Variants in GABBR2 observed in about 807,000 individuals in gnomAD.
GABBR2 encodes G-protein coupled receptor 51.
Under a neutral mutation model 105.6 loss-of-function variants are expected in GABBR2, and 23 were observed. The ratio of observed to expected loss-of-function variants is 0.22; its 90% CI spans 0.16 to 0.31. The LOEUF is 0.31. GABBR2 is among the 10% of genes least tolerant of loss of function. GABBR2 has a pLI of 1.00. For missense variants in GABBR2, 734 were observed against 1,245.5 expected (o/e 0.59, Z 6.18); for synonymous variants, 478 against 499.7 (o/e 0.96, Z 0.58).
At position 98,305,803 on chromosome 9, in the gene GABBR2, T is replaced by G. The variant is rs1432525820; in HGVS notation, c.2229+318A>C. ...CTGCACTCCAGCCTGGGTGGCAGAG[T>G]GAGGGAAAAAAAAAAAAGGCATCAT... On this transcript the variant is annotated intron_variant, in intron 15 of 18. Coordinates refer to ENST00000259455, the MANE Select transcript of GABBR2 (RefSeq NM_005458.8). 2.7e-4 allele frequency among the ~76,000 whole-genome samples: 35 copies of G among 128,792 alleles called. 1 individual carries two copies. Among genetic ancestry groups the G allele is most frequent in the East Asian group, 4.3e-4 (2 of 4,648 alleles). The allele number at this position is 128,792 out of a possible 152,430, so 84.5% of individuals were successfully genotyped here.
chr9:98,383,332 GCA>G (rs150600496), intron 11 of GABBR2, among the ~76,000 whole-genome samples: 1,974 of 152,310 alleles, frequency 0.013, 14 homozygotes, highest in Admixed American at 0.02. Context: ...CTGACTGCAG[GCA>G]CAGTGAAGCC....
chr9:98,653,883 C>T (rs1198440232), intron 1 of GABBR2, among the ~76,000 whole-genome samples: 1 of 152,154 alleles, frequency 6.6e-6, no homozygotes, highest in Admixed American at 6.6e-5. Flanking sequence ...CAGGTACTGC[C>T]TGAGCATTTT....
chr9:98,375,690 G>A (rs1831859531), intron 11 of GABBR2, among the ~76,000 whole-genome samples: 2 of 152,142 alleles, frequency 1.3e-5, no homozygotes, highest in African/African-American at 4.8e-5. Flanking sequence ...CATGCTGTCT[G>A]ACAGGTAGTG....
At chr9:98,367,002 T>C (rs1831688457) in intron 12 of GABBR2, among the ~76,000 whole-genome samples, 1 of 152,188 alleles carries the variant, frequency 6.6e-6, no homozygotes. Flanking sequence ...TTAAAAAGAT[T>C]TTACAATTGG....
intron 13 of GABBR2, among the ~76,000 whole-genome samples, chr9:98,355,435 A>G (rs1167535438): frequency 2.6e-5 from 4 of 152,238 alleles, no homozygotes; most frequent in Non-Finnish European, 5.9e-5. Context: ...ACCAGAAATG[A>G]GCAATTGAAA....
At chr9:98,364,467 C>T (rs1564032406) in intron 12 of GABBR2, among the ~76,000 whole-genome samples, 1 of 152,220 alleles carries the variant, frequency 6.6e-6, no homozygotes, top group East Asian at 1.9e-4. Context: ...GCTTCTCCTC[C>T]TCCATGAATC....
rs1056710289 is a variant in GABBR2 at position 98,360,094 on chromosome 9, G to T, written c.1893+2621C>A. ...GTGCTCAGAGTCCGGAGCACACAGGGTGTCTGAAGTAGGTAAGTGGGAGGG... is the reference window on the plus strand; with the variant it reads ...GTGCTCAGAGTCCGGAGCACACAGGTTGTCTGAAGTAGGTAAGTGGGAGGG... On this transcript the variant is annotated intron_variant, in intron 13 of 18. Coordinates refer to ENST00000259455, the MANE Select transcript of GABBR2 (RefSeq NM_005458.8). Among the ~76,000 whole-genome samples, 6 of 152,154 alleles carry T rather than the reference G, an allele frequency of 3.9e-5. No individual in the cohort carries two copies. The South Asian group carries it at 1.2e-3, about 32-fold the overall frequency.
intron 1 of GABBR2, among the ~76,000 whole-genome samples, chr9:98,675,937 T>C (rs1300963550): frequency 6.6e-6 from 1 of 152,172 alleles, no homozygotes; most frequent in East Asian, 1.9e-4. Flanking sequence ...CTTCTTTTAG[T>C]AATAAAACCT....
At chr9:98,443,034 G>A (rs1182211562) in intron 7 of GABBR2, among the ~76,000 whole-genome samples, 1 of 152,196 alleles carries the variant, frequency 6.6e-6, no homozygotes, top group Non-Finnish European at 1.5e-5. Flanking sequence ...GGATTTTTTA[G>A]GGGGGCACAA....
chr9:98,401,579 C>T (rs1246207653), intron 8 of GABBR2, among the ~76,000 whole-genome samples: 1 of 152,140 alleles, frequency 6.6e-6, no homozygotes, highest in Non-Finnish European at 1.5e-5. Context: ...CTGGTATATC[C>T]TGAAGGATTA....
rs565363786 is a variant in GABBR2, at chr9:98,393,348, C to T, written c.1378+827G>A. ...CCATCCAGGCATCCACCCAACCATC[C>T]ATCCATCCATCCATCCATCCACACA... On this transcript the variant is annotated intron_variant, in intron 9 of 18. Coordinates refer to ENST00000259455, the MANE Select transcript of GABBR2 (RefSeq NM_005458.8). Among the ~76,000 whole-genome samples, 18 of 151,410 alleles carry T rather than the reference C, an allele frequency of 1.2e-4. No homozygotes were observed. The South Asian group carries it at 3.8e-3, about 32-fold the overall frequency.
chr9:98,535,477 C>T (rs1217171416), intron 3 of GABBR2, among the ~76,000 whole-genome samples: 1 of 151,872 alleles, frequency 6.6e-6, no homozygotes, highest in African/African-American at 2.4e-5. Flanking sequence ...AAAAAAAACC[C>T]AATGCAGTAT....
At chr9:98,557,786 C>A (rs2131757069) in intron 2 of GABBR2, among the ~76,000 whole-genome samples, 1 of 152,260 alleles carries the variant, frequency 6.6e-6, no homozygotes, top group Middle Eastern at 3.4e-3. Flanking sequence ...ATTTTTCATT[C>A]ATGGCATTTA....
chr9:98,704,603 A>G (rs980616097), intron 1 of GABBR2, among the ~76,000 whole-genome samples: 3 of 152,238 alleles, frequency 2.0e-5, no homozygotes, highest in Non-Finnish European at 2.9e-5. Flanking sequence ...ATGGAGTATG[A>G]TCTCAAGTAC....
At chr9:98,618,528 C>T in intron 1 of GABBR2, among the ~76,000 whole-genome samples, 1 of 151,104 alleles carries the variant, frequency 6.6e-6, no homozygotes, top group South Asian at 2.1e-4. Context: ...CTCTGTCTCT[C>T]TGACTCTTTC....
chr9:98,501,297 T>C (rs1444312753), intron 3 of GABBR2, among the ~76,000 whole-genome samples: 1 of 152,076 alleles, frequency 6.6e-6, no homozygotes, highest in African/African-American at 2.4e-5. Context: ...CCCAAATAGC[T>C]GAGATTACAG....
At chr9:98,638,076 C>G (rs563841572) in intron 1 of GABBR2, among the ~76,000 whole-genome samples, 1 of 152,054 alleles carries the variant, frequency 6.6e-6, no homozygotes, top group South Asian at 2.1e-4. Context: ...AGTGGTAGAG[C>G]CTGGATTCAA....
At chr9:98,699,330 G>A (rs1250459819) in intron 1 of GABBR2, among the ~76,000 whole-genome samples, 1 of 151,966 alleles carries the variant, frequency 6.6e-6, no homozygotes, top group Non-Finnish European at 1.5e-5. Context: ...TCTTCTATTG[G>A]AACACCCAAG....
At chr9:98,706,526 G>A (rs1830897251) in intron 1 of GABBR2, among the ~76,000 whole-genome samples, 1 of 152,164 alleles carries the variant, frequency 6.6e-6, no homozygotes, top group East Asian at 1.9e-4. Context: ...CTTGACTTTG[G>A]GTCCTTTCAC....
Sources: allele counts gnomAD v4.1 joint callset (sites outside exome capture counted in the v4.1 genomes callset), GRCh38; gene constraint gnomAD v4.1.1; transcripts MANE v1.5; gene names NCBI Gene and HGNC (gene_info 2026-07-23, HGNC 2026-07-21).